The following PEX2 variants were observed in gnomAD, a reference collection of about 807,000 sequenced individuals.
The protein encoded by PEX2 is peroxisome biogenesis factor 2.
In PEX2, 19 loss-of-function variants were observed where a neutral mutation model predicts 25.2. That is an observed-to-expected ratio of 0.75 (90% CI 0.53 to 1.10). PEX2 has a LOEUF of 1.10. Ranked by LOEUF, PEX2 falls within the 50% of genes least tolerant of loss-of-function variation. PEX2 has a pLI of 0.00. For missense variants in PEX2, 347 were observed against 350.6 expected (o/e 0.99, Z 0.08); for synonymous variants, 141 against 127.7 (o/e 1.10, Z -0.70).
At chr8:76,993,755 T>C (rs1307779106) in intron 1 of PEX2, among the ~76,000 whole-genome samples, 2 of 152,168 alleles carry the variant, frequency 1.3e-5, no homozygotes, top group Admixed American at 6.5e-5. Context: ...TACCTTTTCA[T>C]ACACAATCCT....
At chr8:76,990,074 T>A (rs531743379) in intron 1 of PEX2, among the ~76,000 whole-genome samples, 6 of 152,254 alleles carry the variant, frequency 3.9e-5, no homozygotes, top group Non-Finnish European at 8.8e-5. Flanking sequence ...GATAACTTGC[T>A]GCAGCTCTGA....
chr8:76,990,583 T>C (rs1225861592), intron 1 of PEX2, among the ~76,000 whole-genome samples: 1 of 152,158 alleles, frequency 6.6e-6, no homozygotes, highest in East Asian at 1.9e-4. Flanking sequence ...CTTATCTTAA[T>C]TGGCCTAATT....
rs1401026039 is a variant in PEX2 at position 77,000,036 on chromosome 8, A to C, written c.-206T>G. On this transcript the variant is annotated 5_prime_UTR_variant, in exon 1 of 4. Coordinates refer to ENST00000357039, the MANE Select transcript of PEX2 (RefSeq NM_000318.3). ...CACGCTCCACGTAACTTTCTCTGAAACATTCTCTGGAAAGCTTGTCTTTTC... is the reference window on the plus strand; with the variant it reads ...CACGCTCCACGTAACTTTCTCTGAACCATTCTCTGGAAAGCTTGTCTTTTC... The C allele has an allele frequency of 4.5e-6, 2 of 448,356 alleles. No homozygotes were observed. The highest frequency in any genetic ancestry group is 9.0e-6 in the Non-Finnish European group (2 of 222,936). 27.8% of individuals were successfully genotyped at this position (448,356 alleles called of 1,614,324 possible).
chr8:76,992,804 C>T (rs1342038527), intron 1 of PEX2, among the ~76,000 whole-genome samples: 1 of 152,164 alleles, frequency 6.6e-6, no homozygotes, highest in Non-Finnish European at 1.5e-5. Flanking sequence ...TGTCAGCTAG[C>T]TTCCTTTTAT....
chr8:76,993,023 G>A (rs1807218981), intron 1 of PEX2, among the ~76,000 whole-genome samples: 1 of 152,284 alleles, frequency 6.6e-6, no homozygotes, highest in South Asian at 2.1e-4. Context: ...ATACGGACAT[G>A]AGTTGCACCA....
At position 76,983,312 on chromosome 8, in the gene PEX2, A is replaced by C; in HGVS notation, c.867T>G (p.Ser289Arg). The C allele has an allele frequency of 6.2e-7, 1 of 1,613,994 alleles. No individual in the cohort carries two copies. The highest frequency in any genetic ancestry group is 1.1e-5 in the South Asian group (1 of 91,086). The change falls in exon 4 of 4, where the codon AGT (serine) becomes AGG (arginine). Residue 289 changes from serine (S) to arginine (R), a missense_variant. Physicochemically the swap from Ser to Arg is moderately radical, Grantham distance 110. Coordinates refer to ENST00000357039, the MANE Select transcript of PEX2 (RefSeq NM_000318.3). ...CGATTCCTGATTTCAGTGGCTGCAG[A>C]CTGTGTACTTCTGTGCCACACTTAG... ...TCPKCGTEVH[S>R]LQPLKSGIEM... is the part of the protein sequence containing the mutation.
chr8:76,983,162 A>T lies in PEX2; in HGVS notation c.*99T>A. ...AGGAGAAGACAGTGGCTAGGAGCAC[A>T]TTCCTTATAAAGGATACATAAATGG... On this transcript the variant is annotated 3_prime_UTR_variant, in exon 4 of 4. Transcript: ENST00000357039. 1 of 1,593,162 alleles carries T rather than the reference A, an allele frequency of 6.3e-7. No homozygotes were observed.
chr8:76,983,047 A>C lies in PEX2; in HGVS notation c.*214T>G, dbSNP rs1806882271. The C allele has an allele frequency of 7.7e-7, 1 of 1,307,150 alleles. No homozygotes were observed. The highest frequency in any genetic ancestry group is 1.5e-5 in the African/African-American group (1 of 67,196). 81.0% of individuals were successfully genotyped at this position (1,307,150 alleles called of 1,614,324 possible). The stretch of plus-strand genomic sequence containing the variant: ...ATTCTTGACATTAAAAATTGAATGC[A>C]ATGATTTAAAAAACATAATACATTA... On this transcript the variant is annotated 3_prime_UTR_variant, in exon 4 of 4. Transcript: ENST00000357039.
intron 1 of PEX2, among the ~76,000 whole-genome samples, chr8:76,995,009 C>T (rs550367304): frequency 2.2e-4 from 33 of 152,280 alleles, no homozygotes; most frequent in African/African-American, 7.9e-4. Flanking sequence ...TAACTGGACA[C>T]TGATTCCCAG....
chr8:77,000,351 G>C, upstream of PEX2: 1 of 185,702 alleles, frequency 5.4e-6, no homozygotes, highest in South Asian at 4.9e-5. Context: ...CCGGGTCAGG[G>C]GCCGCAAGTG....
chr8:76,996,888 A>G (rs1376079765), intron 1 of PEX2, among the ~76,000 whole-genome samples: 1 of 152,236 alleles, frequency 6.6e-6, no homozygotes, highest in Non-Finnish European at 1.5e-5. Flanking sequence ...AAGATTAACA[A>G]CCCATCTAAA....
intron 1 of PEX2, among the ~76,000 whole-genome samples, chr8:76,999,444 G>A (rs1586081051): frequency 6.6e-6 from 1 of 152,274 alleles, no homozygotes; most frequent in East Asian, 1.9e-4. Flanking sequence ...AAAAGTCAAC[G>A]TGAAATATAA....
At chr8:77,000,709 C>G (rs1563615179), upstream of PEX2, among the ~76,000 whole-genome samples, 1 of 152,204 alleles carries the variant, frequency 6.6e-6, no homozygotes, top group Non-Finnish European at 1.5e-5. Context: ...CCCTGCAAAG[C>G]GCTCCCGAGA....
At chr8:76,998,376 T>C (rs1807397678) in intron 1 of PEX2, among the ~76,000 whole-genome samples, 1 of 152,160 alleles carries the variant, frequency 6.6e-6, no homozygotes, top group African/African-American at 2.4e-5. Context: ...AGCAAAACTT[T>C]TATGGCTAAA....
intron 1 of PEX2, among the ~76,000 whole-genome samples, chr8:76,991,450 T>C (rs17446112): frequency 0.018 from 2,693 of 152,268 alleles, 41 homozygotes; most frequent in Non-Finnish European, 0.025. Flanking sequence ...TAAGACTCTT[T>C]AATAGACCAA....
In PEX2 at chr8:76,983,655, G is replaced by C. The variant is rs770427885; in HGVS notation, c.524C>G (p.Ser175Cys). ...TATGTTTTGAGGCTTGCAAAATACA[G>C]AATGAATACCTAGGAGACGTTCTGT... ...TLTERLLGIH[S>C]VFCKPQNICE... Residue 175 changes from serine (S) to cysteine (C), a missense_variant, in exon 4 of 4, where the codon TCT becomes TGT. By Grantham distance (112) the Ser-to-Cys change is moderately radical (BLOSUM62 -1). Coordinates refer to ENST00000357039, the MANE Select transcript of PEX2 (RefSeq NM_000318.3). The C allele has an allele frequency of 4.3e-5, 70 of 1,613,944 alleles. 1 individual carries two copies. The South Asian group carries it at 5.6e-4, about 13-fold the overall frequency.
At chr8:76,989,500 AT>A (rs1269388513) in intron 1 of PEX2, among the ~76,000 whole-genome samples, 1 of 152,164 alleles carries the variant, frequency 6.6e-6, no homozygotes, top group Non-Finnish European at 1.5e-5. Flanking sequence ...AGAAATTGCT[AT>A]TGGCAACTAC....
At chr8:76,987,888 A>G (rs1807052459) in intron 2 of PEX2, 1 of 152,226 alleles carries the variant, frequency 6.6e-6, no homozygotes, top group Non-Finnish European at 1.5e-5. Context: ...ATGCAATTTT[A>G]AACATCTGAG....
In PEX2 at chr8:76,980,905, T is replaced by G. The variant is rs1199213012; in HGVS notation, c.*2356A>C. 1 of 152,182 alleles carries G rather than the reference T, an allele frequency of 6.6e-6. No individual in the cohort carries two copies. Among genetic ancestry groups the G allele is most frequent in the Non-Finnish European group, 1.5e-5 (1 of 68,044 alleles). The allele number at this position is 152,182 out of a possible 1,614,324, so 9.4% of individuals were successfully genotyped here. A position where few individuals can be genotyped will look rare whatever the true frequency, so the allele number is the denominator to read the frequency against. Reference sequence around the variant, plus strand: ...CACATTGCCCTAGGTTATACACAAGTGGGATTTGAATTCTAGCGGAATCTG... The same window carrying G: ...CACATTGCCCTAGGTTATACACAAGGGGGATTTGAATTCTAGCGGAATCTG... On this transcript the variant is annotated 3_prime_UTR_variant, in exon 4 of 4. Coordinates refer to ENST00000357039, the MANE Select transcript of PEX2 (RefSeq NM_000318.3).
Sources: gnomAD v4.1 joint callset for allele counts (sites outside exome capture counted in the v4.1 genomes callset) on GRCh38, gnomAD v4.1.1 for gene constraint, MANE v1.5 for transcripts, NCBI Gene and HGNC (gene_info 2026-07-23, HGNC 2026-07-21) for gene names.